Variants in PIP5K1C observed in about 807,000 individuals in gnomAD.
The protein encoded by PIP5K1C is phosphatidylinositol 4-phosphate 5-kinase type-1 gamma.
PIP5K1C carries 45 observed loss-of-function variants against 80.1 expected under a neutral mutation model. That is an observed-to-expected ratio of 0.56 (90% confidence interval 0.44 to 0.72). The LOEUF (loss-of-function observed/expected upper bound fraction) is 0.72, where lower values mean the gene tolerates loss of function less well. Among genes scored for constraint, PIP5K1C ranks in the 30% least tolerant of loss-of-function variants. PIP5K1C has a pLI of 0.00. For synonymous variants in PIP5K1C, 498 were observed against 420.1 expected (o/e 1.19, Z -2.27); for missense variants, 753 against 954.6 (o/e 0.79, Z 2.78).
intron 1 of PIP5K1C, among the ~76,000 whole-genome samples, chr19:3,682,606 T>C (rs1198327993): frequency 2.0e-5 from 3 of 152,198 alleles, no homozygotes; most frequent in East Asian, 3.9e-4. Flanking sequence ...GGAAGACTGC[T>C]TGAGCCCCAG....
intron 1 of PIP5K1C, among the ~76,000 whole-genome samples, chr19:3,675,530 C>A (rs2035331291): frequency 6.6e-6 from 1 of 152,188 alleles, no homozygotes; most frequent in Non-Finnish European, 1.5e-5. Context: ...ACGCAGTAAA[C>A]AGCAACTACC....
rs200338766 is a variant in PIP5K1C at position 3,651,942 on chromosome 19, G to A, written c.1011C>T (p.Gly337=). 1.9e-4 allele frequency: 308 copies of A among 1,612,868 alleles called. 2 individuals are homozygous for A. In the East Asian group the frequency reaches 4.8e-3, roughly 25 times the overall value. The change falls in exon 8 of 18, where the codon GGC becomes GGT. Residue 337 remains glycine (G), a synonymous_variant. Transcript: ENST00000335312. ...DQHERERQAQ[G]AQSTSDEKRP... is the part of the protein sequence containing the mutation. ...GCTTCTCATCTGAGGTGCTCTGGGC[G>A]CCCTGCGCCTGCCGCTCGCGCTCGT...
At chr19:3,634,149 T>A (rs1478402823) in intron 16 of PIP5K1C, among the ~76,000 whole-genome samples, 1 of 152,064 alleles carries the variant, frequency 6.6e-6, no homozygotes, top group African/African-American at 2.4e-5. Context: ...AGTTCAGGGC[T>A]AGGCACAGGC....
In PIP5K1C at chr19:3,642,927, C is replaced by T. The variant is rs201320993; in HGVS notation, c.1662G>A (p.Gln554=). 1 of 1,613,580 alleles carries T rather than the reference C, an allele frequency of 6.2e-7. No individual in the cohort carries two copies. The highest frequency in any genetic ancestry group is 1.3e-5 in the African/African-American group (1 of 74,968). The stretch of plus-strand genomic sequence containing the variant: ...CTCACCTGCCATCCTGTCCAGACGA[C>T]TGTGTGCGCCGCCTGCAGAGATACA... The part of the protein sequence containing the change: ...SEQPRYRRRT[Q]SSGQDGRPQE... The change falls in exon 14 of 18, where the codon CAG becomes CAA. Residue 554 remains glutamine (Q), a synonymous_variant. Transcript: ENST00000335312.
intron 1 of PIP5K1C, among the ~76,000 whole-genome samples, chr19:3,694,050 A>G (rs1053905337): frequency 6.6e-6 from 1 of 152,050 alleles, no homozygotes; most frequent in African/African-American, 2.4e-5. Context: ...GTCTCTACTA[A>G]AAATACAAAA....
intron 6 of PIP5K1C, 21 bp from the exon 7 acceptor site, chr19:3,653,610 G>A (rs2145448705): frequency 6.3e-7 from 1 of 1,597,832 alleles, no homozygotes; most frequent in African/African-American, 1.3e-5. Flanking sequence ...AAGAGGGCAA[G>A]TCGTGGAGGG....
chr19:3,700,116 T>G (rs1011262648), intron 1 of PIP5K1C, among the ~76,000 whole-genome samples, 181 bp downstream of exon 1: 7 of 151,644 alleles, frequency 4.6e-5, no homozygotes, highest in African/African-American at 1.2e-4. Context: ...GCCTCCCGCT[T>G]CCCGGCGCGG....
chr19:3,637,704 G>A lies in PIP5K1C; in HGVS notation c.1920+1180C>T, dbSNP rs569316458. The A allele has an allele frequency of 4.4e-5, 67 of 1,510,858 alleles. No individual in the cohort carries two copies. The highest frequency in any genetic ancestry group is 6.0e-5 in the Admixed American group (3 of 49,788). 93.6% of individuals were successfully genotyped at this position (1,510,858 alleles called of 1,614,324 possible). On this transcript the variant is annotated intron_variant, in intron 16 of 17. Coordinates refer to ENST00000335312, the MANE Select transcript of PIP5K1C (RefSeq NM_012398.3). The surrounding 1 kb of genome is among the most constrained non-coding windows in gnomAD (Gnocchi z 7.0). ...ACCCCCGTGGTCGGGTGGGAGAGGC[G>A]GAGGGAGGTGGCGGGGAGCAGGTGG...
intron 7 of PIP5K1C, among the ~76,000 whole-genome samples, chr19:3,652,824 TG>T (rs1488243277): frequency 6.6e-6 from 1 of 151,818 alleles, no homozygotes; most frequent in African/African-American, 2.4e-5. Context: ...CTGGGAGCTC[TG>T]GGCTTGTGAC....
Position 3,637,941 on chromosome 19 carries a change from C to T in PIP5K1C, c.1920+943G>A, listed in dbSNP as rs1348109609. ...TGACGACGTGCGGTGGGTAGGGGCA[C>T]AGGCACGCGGCCCGTCCCTCCCTTC... is the stretch of plus-strand genomic sequence containing the variant. On this transcript the variant is annotated intron_variant, in intron 16 of 17. Coordinates refer to ENST00000335312, the MANE Select transcript of PIP5K1C (RefSeq NM_012398.3). The surrounding 1 kb of genome is among the most constrained non-coding windows in gnomAD (Gnocchi z 7.0). The T allele has an allele frequency of 6.5e-7, 1 of 1,534,988 alleles. No homozygotes were observed. The highest frequency in any genetic ancestry group is 8.7e-7 in the Non-Finnish European group (1 of 1,146,638).
At chr19:3,659,929 C>T (rs1009803696) in intron 5 of PIP5K1C, among the ~76,000 whole-genome samples, 5 of 152,226 alleles carry the variant, frequency 3.3e-5, no homozygotes, top group South Asian at 4.1e-4. Flanking sequence ...ACCGTGCTGT[C>T]GTGACAACCA....
chr19:3,667,092 G>A (rs547316530), intron 2 of PIP5K1C, among the ~76,000 whole-genome samples: 14 of 152,196 alleles, frequency 9.2e-5, no homozygotes, highest in Non-Finnish European at 2.1e-4. Context: ...TGCCACTGAG[G>A]GTGTGGCCCC....
chr19:3,697,192 G>A lies in PIP5K1C; in HGVS notation c.94+3105C>T, dbSNP rs561845176. 9.9e-5 allele frequency among the ~76,000 whole-genome samples: 15 copies of A among 151,476 alleles called. No homozygotes were observed. The South Asian group carries it at 2.9e-3, about 30-fold the overall frequency. On this transcript the variant is annotated intron_variant, in intron 1 of 17. Coordinates refer to ENST00000335312, the MANE Select transcript of PIP5K1C (RefSeq NM_012398.3). ...AGGAGGACCAAGCTGGACTGGGGAG[G>A]ACTGAGCCGGATGGAGGAGGACTAA...
intron 8 of PIP5K1C, among the ~76,000 whole-genome samples, chr19:3,650,802 G>A (rs2034413272): frequency 6.6e-6 from 1 of 152,156 alleles, no homozygotes; most frequent in Non-Finnish European, 1.5e-5. Flanking sequence ...TGTTGCCCAG[G>A]CTGGAGTGCA....
chr19:3,645,631 G>C (rs1214685988), intron 11 of PIP5K1C, among the ~76,000 whole-genome samples: 1 of 152,176 alleles, frequency 6.6e-6, no homozygotes, highest in Non-Finnish European at 1.5e-5. Flanking sequence ...TGCTGAGTCA[G>C]GCCCACCCAT....
chr19:3,667,543 C>T (rs1180185541), intron 1 of PIP5K1C, among the ~76,000 whole-genome samples, 190 bp from the exon 2 acceptor site: 2 of 152,188 alleles, frequency 1.3e-5, no homozygotes, highest in East Asian at 3.9e-4. Flanking sequence ...GGGTGGGGGC[C>T]ACTGGGGCCT....
chr19:3,698,763 C>A (rs2036202415), intron 1 of PIP5K1C, among the ~76,000 whole-genome samples: 1 of 152,228 alleles, frequency 6.6e-6, no homozygotes, highest in South Asian at 2.1e-4. Context: ...CCCAGCCAGG[C>A]ACAACCTAAA....
rs770305749 is a variant in PIP5K1C at position 3,641,732 on chromosome 19, A to G, written c.1760T>C (p.Ile587Thr). 7.5e-6 allele frequency: 12 copies of G among 1,610,202 alleles called. No homozygotes were observed. The highest frequency in any genetic ancestry group is 1.0e-5 in the Non-Finnish European group (12 of 1,179,942). The change falls in exon 15 of 18, where the codon ATT (isoleucine) becomes ACT (threonine). Residue 587 changes from isoleucine to threonine, a missense_variant. Physicochemically the swap from Ile to Thr is moderately conservative, Grantham distance 89. This residue lies in a region of PIP5K1C where 315 missense variants were observed against 294.5 expected (regional missense o/e 1.07). Transcript: ENST00000335312. Reference protein sequence around the residue: ...VQVEPACSVEIVVPKEEDAGV... With the variant: ...VQVEPACSVETVVPKEEDAGV... Reference sequence around the variant, plus strand: ...TGCGTCCTCCTCTTTGGGGACCACAATCTCCACGCTGCACGCAGGCTCCAC... The same window carrying G: ...TGCGTCCTCCTCTTTGGGGACCACAGTCTCCACGCTGCACGCAGGCTCCAC...
intron 1 of PIP5K1C, among the ~76,000 whole-genome samples, chr19:3,699,487 G>C (rs149100835): frequency 6.6e-6 from 1 of 152,196 alleles, no homozygotes; most frequent in African/African-American, 2.4e-5. Flanking sequence ...ACGGATGCCC[G>C]TGTGGGTGTC....
Sources: gnomAD v4.1 joint callset for allele counts (sites outside exome capture counted in the v4.1 genomes callset) on GRCh38, gnomAD v4.1.1 for gene constraint, gnomAD v4.1.1 regional missense constraint, Gnocchi (gnomAD v3.1) non-coding constraint, MANE v1.5 for transcripts, NCBI Gene and HGNC (gene_info 2026-07-23, HGNC 2026-07-21) for gene names.